The following KCNT2 variants were observed in gnomAD, a reference collection of about 807,000 sequenced individuals.
The protein encoded by KCNT2 is potassium channel subfamily T member 2.
A neutral mutation model predicts 153.8 loss-of-function variants in KCNT2; 67 were observed. The ratio of observed to expected loss-of-function variants is 0.44; its 90% CI spans 0.36 to 0.53. KCNT2 has a LOEUF of 0.53. Among genes scored for constraint, KCNT2 ranks in the 20% least tolerant of loss-of-function variants. KCNT2 has a pLI of 0.00. For synonymous variants in KCNT2, 500 were observed against 458.8 expected (o/e 1.09, Z -1.15); for missense variants, 975 against 1,354.8 (o/e 0.72, Z 4.40).
chr1:196,329,179 C>A (rs186174959), intron 18 of KCNT2, among the ~76,000 whole-genome samples: 24 of 152,130 alleles, frequency 1.6e-4, no homozygotes, highest in African/African-American at 5.8e-4. Flanking sequence ...ATAAGGCAAT[C>A]CCAACTCACA....
chr1:196,592,597 T>C (rs1419710150), intron 1 of KCNT2, among the ~76,000 whole-genome samples: 1 of 147,382 alleles, frequency 6.8e-6, no homozygotes, highest in African/African-American at 2.5e-5. Flanking sequence ...GAAAGTTATA[T>C]ATTAATATAT....
intron 5 of KCNT2, among the ~76,000 whole-genome samples, chr1:196,477,322 A>C (rs1401022217): frequency 6.6e-6 from 1 of 152,168 alleles, no homozygotes; most frequent in Non-Finnish European, 1.5e-5. Flanking sequence ...GCAGTGGCTC[A>C]TGCCTGTAAC....
intron 13 of KCNT2, among the ~76,000 whole-genome samples, chr1:196,392,135 G>T (rs138630231): frequency 1.2e-3 from 183 of 151,406 alleles, no homozygotes; most frequent in African/African-American, 4.3e-3. Flanking sequence ...TTAGTCAAAA[G>T]TGGCAAAATG....
At chr1:196,572,913 C>T (rs992309218) in intron 1 of KCNT2, among the ~76,000 whole-genome samples, 2 of 151,936 alleles carry the variant, frequency 1.3e-5, no homozygotes, top group African/African-American at 4.8e-5. Flanking sequence ...AGTTCTACTC[C>T]ATATACATGG....
chr1:196,448,272 G>C (rs1675865162), intron 8 of KCNT2, among the ~76,000 whole-genome samples: 1 of 151,400 alleles, frequency 6.6e-6, no homozygotes, highest in Non-Finnish European at 1.5e-5. Flanking sequence ...GCTATTACTG[G>C]AATTAAAAGA....
At chr1:196,571,186 A>T (rs1660738460) in intron 1 of KCNT2, among the ~76,000 whole-genome samples, 2 of 152,158 alleles carry the variant, frequency 1.3e-5, no homozygotes, top group Admixed American at 1.3e-4. Flanking sequence ...ATATTTTTGC[A>T]AAGATATGGA....
chr1:196,315,420 C>G (rs1662613272), intron 21 of KCNT2, among the ~76,000 whole-genome samples: 1 of 151,502 alleles, frequency 6.6e-6, no homozygotes, highest in African/African-American at 2.4e-5. Context: ...TCAATGGGTA[C>G]ATTTAATTAA....
chr1:196,584,441 T>C (rs1420015452), intron 1 of KCNT2, among the ~76,000 whole-genome samples: 1 of 152,054 alleles, frequency 6.6e-6, no homozygotes, highest in East Asian at 1.9e-4. Flanking sequence ...TGTTTCCTAT[T>C]CAAATTAACA....
intron 1 of KCNT2, among the ~76,000 whole-genome samples, chr1:196,505,892 A>G (rs746901317): frequency 1.3e-5 from 2 of 152,036 alleles, no homozygotes; most frequent in Non-Finnish European, 2.9e-5. Flanking sequence ...TTTGTCTGTT[A>G]TTGGTGTATA....
chr1:196,608,240 C>G lies in KCNT2; in HGVS notation c.70G>C (p.Asp24His). The G allele has an allele frequency of 6.2e-7, 1 of 1,614,086 alleles. No individual in the cohort carries two copies. Among genetic ancestry groups the G allele is most frequent in the Non-Finnish European group, 8.5e-7 (1 of 1,179,984 alleles). Reference protein sequence around the residue: ...RYRFRDLLLGDQGWQNDDRVQ... With the variant: ...RYRFRDLLLGHQGWQNDDRVQ... The stretch of plus-strand genomic sequence containing the variant: ...CTGTCGTCGTTTTGCCATCCTTGGT[C>G]CCCTAGCAGCAAATCTCGAAACCTG... The change falls in exon 1 of 28, where the codon GAC becomes CAC. Residue 24 changes from aspartate to histidine, a missense_variant. Transcript: ENST00000294725.
chr1:196,308,362 A>G (rs1348921151), intron 21 of KCNT2, among the ~76,000 whole-genome samples: 2 of 151,896 alleles, frequency 1.3e-5, no homozygotes, highest in African/African-American at 4.8e-5. Flanking sequence ...CAGTGTCTTT[A>G]GATGTGTACT....
At position 196,337,186 on chromosome 1, in the gene KCNT2, C is replaced by T. The variant is rs565560067; in HGVS notation, c.1784-3126G>A. On this transcript the variant is annotated intron_variant, in intron 16 of 27. Transcript: ENST00000294725. Reference sequence around the variant, plus strand: ...CCGCAAAACCTGCATTCCCCCTAGCCTTTCCTCTAAATTTATGGCCATTCT... The same window carrying T: ...CCGCAAAACCTGCATTCCCCCTAGCTTTTCCTCTAAATTTATGGCCATTCT... 2.0e-5 allele frequency among the ~76,000 whole-genome samples: 3 copies of T among 150,892 alleles called. No individual in the cohort carries two copies. The East Asian group carries it at 5.9e-4, about 30-fold the overall frequency.
chr1:196,455,109 CT>C lies in KCNT2; in HGVS notation c.638+10183del, dbSNP rs1676546983. Among the ~76,000 whole-genome samples the C allele has an allele frequency of 3.3e-5, 5 of 152,114 alleles. No individual in the cohort carries two copies. In the South Asian group the frequency reaches 8.3e-4, roughly 25 times the overall value. On this transcript the variant is annotated intron_variant, in intron 8 of 27. Transcript: ENST00000294725. ...CTGGTCCTTCCCATACTTCATCTCT[CT>C]TTCCCTTCTGTCTCATCTCTCCTTA...
At chr1:196,430,916 A>G (rs1674097247) in intron 8 of KCNT2, among the ~76,000 whole-genome samples, 1 of 152,170 alleles carries the variant, frequency 6.6e-6, no homozygotes, top group Non-Finnish European at 1.5e-5. Flanking sequence ...TGTCCCCTCC[A>G]AAATTCATGT....
chr1:196,512,365 A>T (rs1030404942), intron 1 of KCNT2, among the ~76,000 whole-genome samples: 7 of 152,086 alleles, frequency 4.6e-5, no homozygotes, highest in Non-Finnish European at 8.8e-5. Context: ...CCCCAAACTC[A>T]TATATTAATT....
chr1:196,385,752 C>A (rs1313009860), intron 13 of KCNT2, among the ~76,000 whole-genome samples: 6 of 132,636 alleles, frequency 4.5e-5, no homozygotes, highest in South Asian at 2.8e-4. Context: ...GTTAGTATGG[C>A]ACCATTTCTG....
intron 14 of KCNT2, among the ~76,000 whole-genome samples, chr1:196,363,021 C>G (rs891947428): frequency 1.3e-5 from 2 of 152,016 alleles, no homozygotes; most frequent in Non-Finnish European, 2.9e-5. Context: ...AACTTTCACC[C>G]CTAATATTAG....
At chr1:196,292,437 A>G (rs887346616) in intron 22 of KCNT2, among the ~76,000 whole-genome samples, 11 of 152,168 alleles carry the variant, frequency 7.2e-5, no homozygotes, top group Non-Finnish European at 1.2e-4. Context: ...CATTCAAACA[A>G]CTTCTGTTCA....
chr1:196,446,806 TTAAC>T (rs553482822), intron 8 of KCNT2, among the ~76,000 whole-genome samples: 116 of 151,664 alleles, frequency 7.6e-4, no homozygotes, highest in Admixed American at 2.1e-3. Flanking sequence ...AAGATGAAAT[TTAAC>T]TAAGCTATAC....
Sources: gnomAD v4.1 joint callset for allele counts (sites outside exome capture counted in the v4.1 genomes callset) on GRCh38, gnomAD v4.1.1 for gene constraint, MANE v1.5 for transcripts, NCBI Gene and HGNC (gene_info 2026-07-23, HGNC 2026-07-21) for gene names.